CPED1: variants seen among roughly 807,000 people sequenced by gnomAD.
CPED1 encodes cadherin like and PC-esterase domain containing 1, also known as cadherin-like and PC-esterase domain-containing protein 1.
CPED1 carries 114 observed loss-of-function variants against 128.2 expected under a neutral mutation model. The observed-to-expected ratio is 0.89, with a 90% CI of 0.76 to 1.04. The LOEUF is 1.04. Among genes scored for constraint, CPED1 ranks in the 50% least tolerant of loss-of-function variants. The pLI, the probability that CPED1 is intolerant of heterozygous loss-of-function variation, is 0.00. For missense variants in CPED1, 1,211 were observed against 1,207.1 expected, an observed-to-expected ratio of 1.00 and a Z score of -0.05; for synonymous variants, 462 against 426.7, an observed-to-expected ratio of 1.08 and a Z score of -1.02.
intron 16 of CPED1, among the ~76,000 whole-genome samples, chr7:121,212,252 G>T (rs1165938651): frequency 6.6e-6 from 1 of 152,026 alleles, no homozygotes; most frequent in Non-Finnish European, 1.5e-5. Flanking sequence ...GTTCCAGATT[G>T]TCTTGTGTAT....
At chr7:121,168,497 G>A (rs1274976180) in intron 16 of CPED1, among the ~76,000 whole-genome samples, 1 of 152,130 alleles carries the variant, frequency 6.6e-6, no homozygotes, top group Non-Finnish European at 1.5e-5. Context: ...TGGGGTACAT[G>A]AGATGTTTTG....
chr7:121,068,279 A>G (rs1160187292), intron 5 of CPED1, among the ~76,000 whole-genome samples: 3 of 152,120 alleles, frequency 2.0e-5, no homozygotes, highest in South Asian at 4.1e-4. Context: ...TCCATCTTCA[A>G]TTAATTTTTG....
chr7:121,280,787 C>T (rs1393575382), intron 22 of CPED1, among the ~76,000 whole-genome samples: 3 of 152,118 alleles, frequency 2.0e-5, no homozygotes, highest in Non-Finnish European at 4.4e-5. Context: ...TTGTTTGTCA[C>T]GTTATTTTTA....
chr7:121,292,572 G>A (rs1751323278), intron 22 of CPED1, among the ~76,000 whole-genome samples: 1 of 151,984 alleles, frequency 6.6e-6, no homozygotes, highest in African/African-American at 2.4e-5. Context: ...GCGAGGAGTT[G>A]CGATCGTTTG....
chr7:121,136,798 G>C (rs1205323981), intron 14 of CPED1, among the ~76,000 whole-genome samples: 4 of 152,040 alleles, frequency 2.6e-5, no homozygotes, highest in Admixed American at 2.0e-4. Flanking sequence ...AGTGCTTTGG[G>C]AGGCCAAGGC....
chr7:121,291,131 C>T (rs980248168), intron 22 of CPED1, among the ~76,000 whole-genome samples: 1 of 152,182 alleles, frequency 6.6e-6, no homozygotes, highest in African/African-American at 2.4e-5. Context: ...GGTGTCATTT[C>T]TGAGGCCTCT....
At chr7:121,130,393 C>A in intron 12 of CPED1, 99 bp downstream of exon 12, 2 of 902,858 alleles carry the variant, frequency 2.2e-6, no homozygotes, top group Non-Finnish European at 3.2e-6. Context: ...GCAGCAACAA[C>A]AAAAAAGTGT....
intron 16 of CPED1, among the ~76,000 whole-genome samples, chr7:121,199,995 A>G (rs1797359903): frequency 6.6e-6 from 1 of 152,096 alleles, no homozygotes; most frequent in Admixed American, 6.6e-5. Context: ...TTATACTTAC[A>G]GTGCATCTCA....
At chr7:121,134,426 A>G (rs1268745546) in intron 13 of CPED1, among the ~76,000 whole-genome samples, 1 of 152,030 alleles carries the variant, frequency 6.6e-6, no homozygotes, top group Non-Finnish European at 1.5e-5. Context: ...TCTCATAGAG[A>G]GTAGAATAGT....
chr7:121,046,251 T>A (rs1193860060), intron 3 of CPED1, among the ~76,000 whole-genome samples: 2 of 152,184 alleles, frequency 1.3e-5, no homozygotes, highest in Non-Finnish European at 2.9e-5. Context: ...TCGTCTGTGT[T>A]ATACTCCATA....
At position 121,240,975 on chromosome 7, in the gene CPED1, G is replaced by A. The variant is rs185103237; in HGVS notation, c.2174-3227G>A. The stretch of plus-strand genomic sequence containing the variant: ...CTATATCAAAGATGTGGAGGAGGTT[G>A]GTTATTAATGACAAACCATGCTTGC... On this transcript the variant is annotated intron_variant, in intron 17 of 22. Coordinates refer to ENST00000310396, the MANE Select transcript of CPED1 (RefSeq NM_024913.5). 7.2e-5 allele frequency among the ~76,000 whole-genome samples: 11 copies of A among 152,114 alleles called. No individual in the cohort carries two copies. In the East Asian group the frequency reaches 2.1e-3, roughly 30 times the overall value.
chr7:121,102,168 T>G (rs900286711), intron 7 of CPED1, among the ~76,000 whole-genome samples: 7 of 152,212 alleles, frequency 4.6e-5, no homozygotes, highest in Non-Finnish European at 1.0e-4. Flanking sequence ...CATTTTATTT[T>G]GCTACTATCT....
intron 18 of CPED1, among the ~76,000 whole-genome samples, chr7:121,249,467 C>T (rs757689039): frequency 2.6e-5 from 4 of 152,170 alleles, no homozygotes; most frequent in Non-Finnish European, 5.9e-5. Context: ...CCACATTAGG[C>T]TGGCAGCAGA....
At chr7:121,168,095 G>A (rs544693458) in intron 16 of CPED1, among the ~76,000 whole-genome samples, 12 of 152,188 alleles carry the variant, frequency 7.9e-5, no homozygotes, top group African/African-American at 2.2e-4. Context: ...CTTGTTGGGC[G>A]CAGCTTCTCT....
At chr7:121,165,598 A>T (rs945898937) in intron 16 of CPED1, among the ~76,000 whole-genome samples, 1 of 152,122 alleles carries the variant, frequency 6.6e-6, no homozygotes, top group Admixed American at 6.5e-5. Context: ...TCTATACTTT[A>T]ATTTCCTTTC....
intron 22 of CPED1, among the ~76,000 whole-genome samples, chr7:121,293,240 A>G (rs1230833479): frequency 6.6e-6 from 1 of 152,196 alleles, no homozygotes; most frequent in Non-Finnish European, 1.5e-5. Flanking sequence ...AATCTAGAGA[A>G]GCAGACTGGC....
intron 2 of CPED1, among the ~76,000 whole-genome samples, chr7:121,002,377 A>T (rs1791883674): frequency 6.6e-6 from 1 of 152,190 alleles, no homozygotes; most frequent in Non-Finnish European, 1.5e-5. Context: ...CATACTGAGC[A>T]GTAAACCTTC....
chr7:121,235,766 A>G (rs1164198935), intron 16 of CPED1, among the ~76,000 whole-genome samples: 1 of 152,186 alleles, frequency 6.6e-6, no homozygotes, highest in Non-Finnish European at 1.5e-5. Flanking sequence ...AACAGTTATC[A>G]AACGGTGAAG....
chr7:121,103,046 A>T (rs983902537), intron 7 of CPED1, among the ~76,000 whole-genome samples: 1 of 152,152 alleles, frequency 6.6e-6, no homozygotes, highest in Non-Finnish European at 1.5e-5. Context: ...ACCCTGATAC[A>T]AATAACAGGC....
Sources: gnomAD v4.1 joint callset for allele counts (sites outside exome capture counted in the v4.1 genomes callset) on GRCh38, gnomAD v4.1.1 for gene constraint, MANE v1.5 for transcripts, NCBI Gene and HGNC (gene_info 2026-07-23, HGNC 2026-07-21) for gene names.